PRELID2: variants seen among roughly 807,000 people sequenced by gnomAD.
PRELID2 encodes the protein PRELI domain-containing protein 2.
A neutral mutation model predicts 28.4 loss-of-function variants in PRELID2; 25 were observed. The ratio of observed to expected loss-of-function variants is 0.88; its 90% CI spans 0.64 to 1.23. The LOEUF (loss-of-function observed/expected upper bound fraction) is 1.23, where lower values mean the gene tolerates loss of function less well. Among genes scored for constraint, PRELID2 ranks in the 50% most tolerant of loss-of-function variants. The pLI, the probability that PRELID2 is intolerant of heterozygous loss-of-function variation, is 0.00. For synonymous variants in PRELID2, 76 were observed against 71.6 expected (o/e 1.06, Z -0.31); for missense variants, 201 against 214.4 (o/e 0.94, Z 0.39).
intron 1 of PRELID2, among the ~76,000 whole-genome samples, chr5:145,740,925 G>GTATATGTATTTATCT (rs1756691310): frequency 5.0e-5 from 4 of 79,930 alleles, no homozygotes; most frequent in Non-Finnish European, 4.4e-5. Flanking sequence ...TATATTTATC[G>GTATATGTATTTATCT]ATAAATATAT....
At chr5:145,375,715 A>G in the PRELID2 span, among the ~76,000 whole-genome samples, 1 of 152,320 alleles carries the variant, frequency 6.6e-6, no homozygotes, top group African/African-American at 2.4e-5. Context: ...GCAGTGAGGA[A>G]GGATGAGTCA....
chr5:145,512,906 A>G (rs1752473546), intron 1 of PRELID2, among the ~76,000 whole-genome samples: 1 of 152,208 alleles, frequency 6.6e-6, no homozygotes, highest in Non-Finnish European at 1.5e-5. Context: ...TGACTGTTAG[A>G]AGGAAAACTA....
chr5:145,478,418 G>T (rs1024616492), intron 1 of PRELID2, among the ~76,000 whole-genome samples: 1 of 151,880 alleles, frequency 6.6e-6, no homozygotes, highest in Non-Finnish European at 1.5e-5. Context: ...ATGGTGGTGC[G>T]CACCTGTAAT....
chr5:145,307,759 C>A, the PRELID2 span, among the ~76,000 whole-genome samples: 1 of 152,024 alleles, frequency 6.6e-6, no homozygotes, highest in Admixed American at 6.6e-5. Context: ...ACCAGCTAAG[C>A]ACCTGAGCCA....
At chr5:145,327,765 A>T in the PRELID2 span, among the ~76,000 whole-genome samples, 2 of 151,682 alleles carry the variant, frequency 1.3e-5, no homozygotes, top group Non-Finnish European at 2.9e-5. Context: ...ACTTTTGTGT[A>T]TCTACTGGAG....
the PRELID2 span, among the ~76,000 whole-genome samples, chr5:145,336,759 A>G: frequency 6.6e-6 from 1 of 152,060 alleles, no homozygotes; most frequent in African/African-American, 2.4e-5. Flanking sequence ...TGGCACATAT[A>G]CACCATGGAA....
chr5:145,488,332 G>C (rs1264477031), intron 1 of PRELID2, among the ~76,000 whole-genome samples: 2 of 152,100 alleles, frequency 1.3e-5, no homozygotes, highest in Non-Finnish European at 2.9e-5. Context: ...AAGCCTGATG[G>C]AGAGAAAGAT....
chr5:145,570,429 AT>A (rs201384774), intron 1 of PRELID2, among the ~76,000 whole-genome samples: 7 of 152,154 alleles, frequency 4.6e-5, no homozygotes, highest in African/African-American at 7.2e-5. Context: ...TGAAAAAAAA[AT>A]TTGCAGGAGT....
intron 1 of PRELID2, among the ~76,000 whole-genome samples, chr5:145,691,885 C>T (rs906656647): frequency 3.3e-5 from 5 of 149,688 alleles, no homozygotes; most frequent in Non-Finnish European, 7.4e-5. Flanking sequence ...CACAGAACAC[C>T]CTACTGAATA....
chr5:145,543,507 A>G (rs1319237553), intron 1 of PRELID2, among the ~76,000 whole-genome samples: 3 of 151,946 alleles, frequency 2.0e-5, no homozygotes, highest in South Asian at 2.1e-4. Context: ...ATTGATACTT[A>G]TTTGTTGCTG....
At chr5:145,362,209 C>T in the PRELID2 span, among the ~76,000 whole-genome samples, 1 of 152,096 alleles carries the variant, frequency 6.6e-6, no homozygotes, top group African/African-American at 2.4e-5. Context: ...CTAGTCAAGA[C>T]AGTGTGTTTA....
At chr5:145,583,498 A>G (rs902742836) in intron 1 of PRELID2, among the ~76,000 whole-genome samples, 1 of 152,202 alleles carries the variant, frequency 6.6e-6, no homozygotes, top group Non-Finnish European at 1.5e-5. Flanking sequence ...AGGACATCAA[A>G]TTATCTTTGT....
downstream of PRELID2, among the ~76,000 whole-genome samples, chr5:145,467,135 G>A (rs1426688191): frequency 6.6e-6 from 1 of 152,076 alleles, no homozygotes; most frequent in Non-Finnish European, 1.5e-5. Flanking sequence ...ATACTTCACA[G>A]TCCTTCTGGT....
At chr5:145,301,392 A>G in the PRELID2 span, among the ~76,000 whole-genome samples, 2 of 152,178 alleles carry the variant, frequency 1.3e-5, no homozygotes, top group African/African-American at 4.8e-5. Context: ...CAGATTTATA[A>G]TAATCCTTCA....
chr5:145,248,165 C>T, the PRELID2 span, among the ~76,000 whole-genome samples: 58,313 of 151,900 alleles, frequency 0.38, 12,134 homozygotes, highest in African/African-American at 0.53. Flanking sequence ...CAGGATGTAA[C>T]AGTAAGTACA....
chr5:145,257,880 C>T, the PRELID2 span, among the ~76,000 whole-genome samples: 20 of 152,144 alleles, frequency 1.3e-4, no homozygotes, highest in South Asian at 1.7e-3. Context: ...TGGGGCCTGG[C>T]GGGAGGTGAT....
chr5:145,506,541 C>A (rs781083901), intron 1 of PRELID2, among the ~76,000 whole-genome samples: 1 of 152,044 alleles, frequency 6.6e-6, no homozygotes, highest in African/African-American at 2.4e-5. Context: ...TTTCATTGTG[C>A]GTAATAGGAG....
chr5:145,292,420 C>G, the PRELID2 span, among the ~76,000 whole-genome samples: 2 of 151,872 alleles, frequency 1.3e-5, no homozygotes, highest in South Asian at 2.1e-4. Flanking sequence ...GTGACTCTGC[C>G]CCTGCACCGA....
the PRELID2 span, among the ~76,000 whole-genome samples, chr5:145,412,171 C>T: frequency 7.2e-5 from 11 of 152,150 alleles, no homozygotes; most frequent in South Asian, 2.1e-4. Context: ...TCATTACGTC[C>T]GCAACTTTCT....
Sources: allele counts gnomAD v4.1 joint callset (sites outside exome capture counted in the v4.1 genomes callset), GRCh38; gene constraint gnomAD v4.1.1; transcripts MANE v1.5; gene names NCBI Gene and HGNC (gene_info 2026-07-23, HGNC 2026-07-21).